KLHL4: variants seen among roughly 807,000 people sequenced by gnomAD.
KLHL4 encodes the protein kelch like family member 4, also known as kelch-like protein 4.
A neutral mutation model predicts 45.8 loss-of-function variants in KLHL4; 17 were observed. The ratio of observed to expected loss-of-function variants is 0.37; its 90% CI spans 0.25 to 0.56. The LOEUF (loss-of-function observed/expected upper bound fraction) is 0.56, where lower values mean the gene tolerates loss of function less well. Ranked by LOEUF, KLHL4 falls within the 20% of genes least tolerant of loss-of-function variation. The probability of loss-of-function intolerance (pLI) is 0.79; values close to 1 mark genes in which losing one functional copy is unlikely to be tolerated. For synonymous variants in KLHL4, 224 were observed against 189.9 expected, an observed-to-expected ratio of 1.18 and a Z score of -1.47; for missense variants, 544 against 544.9, an observed-to-expected ratio of 1.00 and a Z score of 0.02.
In KLHL4 at chrX:87,669,242, C is replaced by G. The variant is rs994125687; in HGVS notation, c.*2708C>G. 3.4e-6 allele frequency: 4 copies of G among 1,160,946 alleles called. No individual in the cohort carries two copies. Among genetic ancestry groups the G allele is most frequent in the Non-Finnish European group, 4.6e-6 (4 of 867,857 alleles). ...GATTTTTTTCTATAATCACTATGAC[C>G]GTGTTCACGATTCCCTACTCTGCAA... On this transcript the variant is annotated 3_prime_UTR_variant, in exon 11 of 11. Transcript: ENST00000373119.
chrX:87,533,147 G>A (rs1413641017), intron 1 of KLHL4, among the ~76,000 whole-genome samples: 5 of 109,527 alleles, frequency 4.6e-5, no homozygotes, highest in Admixed American at 2.0e-4. Context: ...TCAGTGTGGC[G>A]ATTCCTCAGG....
rs141500880 is a variant in KLHL4, at chrX:87,596,035, G to T, written c.423-17842G>T. On this transcript the variant is annotated intron_variant, in intron 1 of 10. Transcript: ENST00000373119. ...CATGACAGTGAGTGAATTCTCATGAGATCTGGTTATTTAAAAGTGTGTGGC... is the reference window on the plus strand; with the variant it reads ...CATGACAGTGAGTGAATTCTCATGATATCTGGTTATTTAAAAGTGTGTGGC... Among the ~76,000 whole-genome samples, 11 of 110,580 alleles carry T rather than the reference G, an allele frequency of 9.9e-5. No individual in the cohort carries two copies. In the East Asian group the frequency reaches 2.6e-3, roughly 26 times the overall value.
intron 1 of KLHL4, among the ~76,000 whole-genome samples, chrX:87,578,307 G>A (rs1921160020): frequency 9.0e-6 from 1 of 111,337 alleles, no homozygotes; most frequent in Admixed American, 9.6e-5. Flanking sequence ...TTATGGAATG[G>A]TAATTTTTAC....
chrX:87,605,829 T>C (rs1490704372), intron 1 of KLHL4, among the ~76,000 whole-genome samples: 1 of 111,633 alleles, frequency 9.0e-6, no homozygotes, highest in Non-Finnish European at 1.9e-5. Context: ...TTTTAGTTTT[T>C]CCCAATTCAC....
intron 1 of KLHL4, among the ~76,000 whole-genome samples, chrX:87,540,275 GT>G (rs1931523614): frequency 9.1e-6 from 1 of 110,391 alleles, no homozygotes; most frequent in African/African-American, 3.3e-5. Context: ...ATTAAAATAT[GT>G]TTTTAATAAT....
At chrX:87,660,713 G>A (rs1924159459) in intron 9 of KLHL4, among the ~76,000 whole-genome samples, 1 of 112,167 alleles carries the variant, frequency 8.9e-6, no homozygotes, top group Non-Finnish European at 1.9e-5. Flanking sequence ...GCATTGTCGC[G>A]CATGCCTGTA....
chrX:87,620,831 G>T lies in KLHL4; in HGVS notation c.925-1380G>T, dbSNP rs775244781. On this transcript the variant is annotated intron_variant, in intron 4 of 10. Coordinates refer to ENST00000373119, the MANE Select transcript of KLHL4 (RefSeq NM_019117.5). ...TCCACTTTCTCACAAGATCACACTGGTGATGACTTAATGCTTGTGAAAGAA... is the reference window on the plus strand; with the variant it reads ...TCCACTTTCTCACAAGATCACACTGTTGATGACTTAATGCTTGTGAAAGAA... 3.6e-5 allele frequency among the ~76,000 whole-genome samples: 4 copies of T among 112,020 alleles called. No individual in the cohort carries two copies. In the Admixed American group the frequency reaches 3.8e-4, roughly 11 times the overall value.
At chrX:87,657,967 T>C in intron 9 of KLHL4, among the ~76,000 whole-genome samples, 1 of 111,810 alleles carries the variant, frequency 8.9e-6, no homozygotes, top group East Asian at 2.8e-4. Context: ...ACAGCCAGCA[T>C]AGGAAATGAG....
Position 87,650,780 on chromosome X carries a change from A to T in KLHL4, c.1926-13984A>T, listed in dbSNP as rs745675680. On this transcript the variant is annotated intron_variant, in intron 9 of 10. Coordinates refer to ENST00000373119, the MANE Select transcript of KLHL4 (RefSeq NM_019117.5). ...TGATAAAGACATACCTGAGACTGGGAAGAAAAAGATGTTTAATGGACTCAC... is the reference window on the plus strand; with the variant it reads ...TGATAAAGACATACCTGAGACTGGGTAGAAAAAGATGTTTAATGGACTCAC... 1.7e-3 allele frequency among the ~76,000 whole-genome samples: 190 copies of T among 111,693 alleles called. 5 individuals are homozygous for T. Among genetic ancestry groups the T allele is most frequent in the African/African-American group, 5.9e-3 (182 of 30,716 alleles).
chrX:87,572,155 G>T (rs1364919040), intron 1 of KLHL4, among the ~76,000 whole-genome samples: 1 of 111,410 alleles, frequency 9.0e-6, no homozygotes, highest in Non-Finnish European at 1.9e-5. Context: ...TTTACCAAGA[G>T]AATTACATCT....
chrX:87,539,440 G>C (rs73246704), intron 1 of KLHL4, among the ~76,000 whole-genome samples: 23 of 110,045 alleles, frequency 2.1e-4, no homozygotes, highest in Non-Finnish European at 4.4e-4. Flanking sequence ...AAATATTCTT[G>C]GTAAGTTTTT....
intron 1 of KLHL4, among the ~76,000 whole-genome samples, chrX:87,598,383 G>T (rs1433831774): frequency 2.7e-5 from 3 of 110,777 alleles, no homozygotes; most frequent in Admixed American, 9.7e-5. Flanking sequence ...AATTAATGAG[G>T]TTTGACAGGA....
chrX:87,569,061 G>A (rs1948942285), intron 1 of KLHL4, among the ~76,000 whole-genome samples: 1 of 111,226 alleles, frequency 9.0e-6, no homozygotes, highest in Non-Finnish European at 1.9e-5. Context: ...AAAAACATGT[G>A]CAAATCATGT....
At chrX:87,626,654 A>ATT (rs1922938830) in intron 6 of KLHL4, among the ~76,000 whole-genome samples, 3 of 109,754 alleles carry the variant, frequency 2.7e-5, no homozygotes, top group African/African-American at 9.9e-5. Context: ...GTAGCTTTAA[A>ATT]AAAAAAAAAA....
chrX:87,617,949 G>T lies in KLHL4; in HGVS notation c.745G>T (p.Glu249Ter), dbSNP rs1922615446. 1 of 1,207,558 alleles carries T rather than the reference G, an allele frequency of 8.3e-7. No individual in the cohort carries two copies. Among genetic ancestry groups the T allele is most frequent in the African/African-American group, 1.7e-5 (1 of 57,219 alleles). ...CCATCTAGGAGTCCTGCAATTGAAAGAAGATACCATTGAAAGTTTGCTGGC... is the reference window on the plus strand; with the variant it reads ...CCATCTAGGAGTCCTGCAATTGAAATAAGATACCATTGAAAGTTTGCTGGC... ...YAYTGVLQLK[E>*]DTIESLLAAA... is the part of the protein sequence containing the mutation. The change falls in exon 4 of 11, where the codon GAA becomes TAA. Residue 249 changes from glutamate to a stop codon, truncating the protein, a stop_gained. Transcript: ENST00000373119. LOFTEE classifies it high-confidence loss of function.
intron 1 of KLHL4, among the ~76,000 whole-genome samples, chrX:87,552,759 A>G (rs928035166): frequency 1.8e-5 from 2 of 108,709 alleles, no homozygotes; most frequent in Non-Finnish European, 1.9e-5. Context: ...AATTAAATCA[A>G]TGGAACTCAT....
rs771629661 is a variant in KLHL4 at position 87,593,294 on chromosome X, C to T, written c.423-20583C>T. Among the ~76,000 whole-genome samples the T allele has an allele frequency of 1.8e-3, 195 of 111,298 alleles. 1 individual carries two copies. Among genetic ancestry groups the T allele is most frequent in the Middle Eastern group, 4.6e-3 (1 of 216 alleles). On this transcript the variant is annotated intron_variant, in intron 1 of 10. Transcript: ENST00000373119. ...TCTTTCTGTCCTTTGCCCTATTTTT[C>T]TTCCTTCTAGGACTTCTACTGTGTG...
intron 1 of KLHL4, among the ~76,000 whole-genome samples, chrX:87,592,066 A>T (rs1332197963): frequency 9.1e-6 from 1 of 109,969 alleles, no homozygotes; most frequent in Non-Finnish European, 1.9e-5. Flanking sequence ...CATGAGATCA[A>T]CTGTTTTAAG....
intron 9 of KLHL4, among the ~76,000 whole-genome samples, chrX:87,638,564 G>C (rs1291665131): frequency 1.8e-5 from 2 of 111,518 alleles, no homozygotes; most frequent in Non-Finnish European, 3.8e-5. Flanking sequence ...AAAACAATTA[G>C]TCAAGAATTT....
Sources: allele counts gnomAD v4.1 joint callset (sites outside exome capture counted in the v4.1 genomes callset), GRCh38; gene constraint gnomAD v4.1.1; transcripts MANE v1.5; gene names NCBI Gene and HGNC (gene_info 2026-07-23, HGNC 2026-07-21).